ALOX5: variants seen among roughly 807,000 people sequenced by gnomAD.
The protein encoded by ALOX5 is arachidonate 5-lipoxygenase, also known as polyunsaturated fatty acid 5-lipoxygenase.
Under a neutral mutation model 87.9 loss-of-function variants are expected in ALOX5, and 64 were observed. The observed-to-expected ratio is 0.73, with a 90% CI of 0.60 to 0.90. The LOEUF is 0.90. ALOX5 is among the 40% of genes least tolerant of loss of function. The pLI is 0.00. For missense variants in ALOX5, 822 were observed against 907.5 expected (o/e 0.91, Z 1.21); for synonymous variants, 388 against 355.1 (o/e 1.09, Z -1.04).
intron 3 of ALOX5, among the ~76,000 whole-genome samples, chr10:45,401,195 C>T (rs1215019011): frequency 6.6e-6 from 1 of 152,200 alleles, no homozygotes; most frequent in Non-Finnish European, 1.5e-5. Context: ...TCTGTGCCTC[C>T]TTCCAAGGGA....
chr10:45,428,710 C>G lies in ALOX5; in HGVS notation c.927C>G (p.Pro309=). 2 of 1,614,102 alleles carry G rather than the reference C, an allele frequency of 1.2e-6. No homozygotes were observed. The highest frequency in any genetic ancestry group is 1.7e-6 in the Non-Finnish European group (2 of 1,180,036). ...GCACACTCCAGTTCCTGGCCGCTCCCATCTGCTTGCTGTATAAGAACCTGG... is the reference window on the plus strand; with the variant it reads ...GCACACTCCAGTTCCTGGCCGCTCCGATCTGCTTGCTGTATAAGAACCTGG... The part of the protein sequence containing the change: ...DPCTLQFLAA[P]ICLLYKNLAN... Residue 309 remains proline (P), a synonymous_variant, in exon 7 of 14, where the codon CCC becomes CCG. Transcript: ENST00000374391.
chr10:45,379,920 G>A (rs575558025), intron 1 of ALOX5, among the ~76,000 whole-genome samples: 3 of 152,236 alleles, frequency 2.0e-5, no homozygotes, highest in African/African-American at 4.8e-5. Flanking sequence ...CCACTCCTCG[G>A]TGGGATCAGG....
chr10:45,421,895 C>A lies in ALOX5; in HGVS notation c.555-2146C>A, dbSNP rs556189387. 2.6e-5 allele frequency among the ~76,000 whole-genome samples: 4 copies of A among 152,370 alleles called. No homozygotes were observed. In the East Asian group the frequency reaches 7.7e-4, roughly 29 times the overall value. On this transcript the variant is annotated intron_variant, in intron 4 of 13. Transcript: ENST00000374391. ...TGCCATGGCAACTTCCAGCAGTACACCCTCTCGGTCACCTGCAGGCTCCTT... is the reference window on the plus strand; with the variant it reads ...TGCCATGGCAACTTCCAGCAGTACAACCTCTCGGTCACCTGCAGGCTCCTT...
intron 6 of ALOX5, among the ~76,000 whole-genome samples, chr10:45,426,611 G>A (rs1841714552): frequency 6.6e-6 from 1 of 152,216 alleles, no homozygotes; most frequent in South Asian, 2.1e-4. Context: ...TCCAGCTCAA[G>A]TTTGAGTTCT....
At chr10:45,393,790 A>T (rs999205948) in intron 2 of ALOX5, among the ~76,000 whole-genome samples, 14 of 152,344 alleles carry the variant, frequency 9.2e-5, no homozygotes, top group Admixed American at 9.1e-4. Flanking sequence ...CAAGAATCAC[A>T]AGCATTCTTA....
At chr10:45,435,798 G>GT (rs1412563983) in intron 7 of ALOX5, among the ~76,000 whole-genome samples, 1 of 152,200 alleles carries the variant, frequency 6.6e-6, no homozygotes, top group African/African-American at 2.4e-5. Flanking sequence ...TAGGTACACA[G>GT]TAATGGGGTT....
chr10:45,416,670 C>T (rs996559651), intron 4 of ALOX5, among the ~76,000 whole-genome samples: 6 of 151,864 alleles, frequency 4.0e-5, no homozygotes, highest in African/African-American at 9.7e-5. Flanking sequence ...ACAATCAAAC[C>T]GATGGACAGG....
intron 4 of ALOX5, among the ~76,000 whole-genome samples, chr10:45,419,413 C>G (rs540990303): frequency 6.6e-6 from 1 of 151,908 alleles, no homozygotes; most frequent in African/African-American, 2.4e-5. Flanking sequence ...GAGAAGCTGA[C>G]GAGTGACTCC....
intron 4 of ALOX5, among the ~76,000 whole-genome samples, chr10:45,423,388 G>A (rs1309054223): frequency 6.6e-6 from 1 of 152,206 alleles, no homozygotes; most frequent in African/African-American, 2.4e-5. Flanking sequence ...GCACTCTGCA[G>A]GGTTATGGAG....
At chr10:45,405,522 T>C (rs751615477) in intron 3 of ALOX5, among the ~76,000 whole-genome samples, 1 of 152,210 alleles carries the variant, frequency 6.6e-6, no homozygotes, top group African/African-American at 2.4e-5. Context: ...TTGTTACATA[T>C]GTATAGCATT....
intron 1 of ALOX5, among the ~76,000 whole-genome samples, chr10:45,378,813 G>A (rs768017643): frequency 4.6e-5 from 7 of 152,182 alleles, no homozygotes; most frequent in Non-Finnish European, 7.3e-5. Context: ...CAGGCTTGAA[G>A]CCAGCACCAG....
chr10:45,415,596 AC>A (rs1413193184), intron 4 of ALOX5, among the ~76,000 whole-genome samples: 4 of 152,078 alleles, frequency 2.6e-5, no homozygotes, highest in Non-Finnish European at 5.9e-5. Flanking sequence ...AAAAAGACAT[AC>A]ACGGAAAAAA....
chr10:45,400,325 C>T (rs114433607), intron 3 of ALOX5, among the ~76,000 whole-genome samples: 1,524 of 152,270 alleles, frequency 0.01, 22 homozygotes, highest in African/African-American at 0.035. Context: ...GAATGCCAAG[C>T]GCGGAGGCTC....
intron 3 of ALOX5, among the ~76,000 whole-genome samples, chr10:45,409,564 TC>T (rs1840996739): frequency 2.0e-5 from 3 of 150,446 alleles, no homozygotes; most frequent in African/African-American, 7.4e-5. Flanking sequence ...TTTCTCTCTC[TC>T]TCTTTCTCTC....
At chr10:45,395,283 A>G (rs1242491766) in intron 2 of ALOX5, among the ~76,000 whole-genome samples, 1 of 152,250 alleles carries the variant, frequency 6.6e-6, no homozygotes, top group African/African-American at 2.4e-5. Flanking sequence ...GCCATAAAAA[A>G]GGATGAATTC....
At chr10:45,443,565 C>G (rs776003557) in intron 11 of ALOX5, 28 bp downstream of exon 11, 1 of 1,603,260 alleles carries the variant, frequency 6.2e-7, no homozygotes, top group Non-Finnish European at 8.5e-7. Flanking sequence ...TCTCCGGACC[C>G]GGCTCCCCCG....
In ALOX5 at chr10:45,428,585, C is replaced by A. The variant is rs1161712551; in HGVS notation, c.835-33C>A. The A allele has an allele frequency of 5.0e-6, 8 of 1,612,190 alleles. No homozygotes were observed. The African/African-American group carries it at 8.0e-5, about 16-fold the overall frequency. On this transcript the variant is annotated intron_variant, in intron 6 of 13. Transcript: ENST00000374391. ...CCTGATTTTTGGTCCGTCTGCTGAG[C>A]CTGATTTGGACACATCTCTCTGCCT...
rs976179748 is a variant in ALOX5, at chr10:45,425,944, C to T, written c.834+812C>T. On this transcript the variant is annotated intron_variant, in intron 6 of 13. Transcript: ENST00000374391. The surrounding 1 kb of genome is among the most constrained non-coding windows in gnomAD (Gnocchi z 4.4). ...AAACCTACAGCCCCAGTACCTGGCC[C>T]ACCTGAATCTAGAGGGCCACCCACC... Among the ~76,000 whole-genome samples, 18 of 152,208 alleles carry T rather than the reference C, an allele frequency of 1.2e-4. No individual in the cohort carries two copies. Among genetic ancestry groups the T allele is most frequent in the African/African-American group, 3.9e-4 (16 of 41,462 alleles).
chr10:45,431,730 GC>G (rs1458011061), intron 7 of ALOX5, among the ~76,000 whole-genome samples: 1 of 151,680 alleles, frequency 6.6e-6, no homozygotes, highest in Admixed American at 6.6e-5. Context: ...CTGCCACCAC[GC>G]CCAGCTAATT....
Sources: allele counts gnomAD v4.1 joint callset (sites outside exome capture counted in the v4.1 genomes callset), GRCh38; gene constraint gnomAD v4.1.1; non-coding constraint Gnocchi (gnomAD v3.1); transcripts MANE v1.5; gene names NCBI Gene and HGNC (gene_info 2026-07-23, HGNC 2026-07-21).